PRIM2: variants seen among roughly 807,000 people sequenced by gnomAD.
PRIM2 encodes the protein DNA primase subunit 2.
Under a neutral mutation model 67.3 loss-of-function variants are expected in PRIM2, and 39 were observed. The observed-to-expected ratio is 0.58, with a 90% CI of 0.45 to 0.76. PRIM2 has a LOEUF of 0.76. PRIM2 is among the 30% of genes least tolerant of loss of function. The pLI is 0.00. For missense variants in PRIM2, 398 were observed against 598.7 expected (o/e 0.66, Z 3.50); for synonymous variants, 143 against 198.7 (o/e 0.72, Z 2.36).
intron 7 of PRIM2, among the ~76,000 whole-genome samples, chr6:57,497,139 C>T (rs1774021793): frequency 3.3e-5 from 5 of 152,088 alleles, no homozygotes; most frequent in Admixed American, 1.3e-4. Context: ...TAGAGTCAAA[C>T]GTAAATTTTG....
the PRIM2 span, among the ~76,000 whole-genome samples, chr6:57,274,544 G>A: frequency 6.6e-6 from 1 of 152,220 alleles, no homozygotes; most frequent in Non-Finnish European, 1.5e-5. Context: ...TCTTTGACTA[G>A]GAAAGGGAAT....
chr6:57,440,630 C>G (rs912572759), intron 7 of PRIM2, among the ~76,000 whole-genome samples: 11 of 152,214 alleles, frequency 7.2e-5, no homozygotes, highest in Non-Finnish European at 1.3e-4. Context: ...GTTTCAAGCT[C>G]TGCAGTATTC....
rs1168870188 is a variant in PRIM2, at chr6:57,362,420, G to T, written c.460-17481G>T. 3.3e-5 allele frequency among the ~76,000 whole-genome samples: 5 copies of T among 152,202 alleles called. No homozygotes were observed. The East Asian group carries it at 9.7e-4, about 29-fold the overall frequency. On this transcript the variant is annotated intron_variant, in intron 5 of 13. Transcript: ENST00000615550. ...AAACGTGGCTGCATCAGTGGTTCAT[G>T]TTGACTCAAAGCAAGTTTCTCCCTT...
Position 57,318,327 on chromosome 6 carries a change from C to CA in PRIM2, c.-9-107dup, listed in dbSNP as rs1420402312. 3 of 1,157,830 alleles carry CA rather than the reference C, an allele frequency of 2.6e-6. No homozygotes were observed. In the African/African-American group the frequency reaches 4.7e-5, roughly 18 times the overall value. 71.7% of individuals were successfully genotyped at this position (1,157,830 alleles called of 1,614,324 possible). On this transcript the variant is annotated intron_variant, in intron 1 of 13. Transcript: ENST00000615550. ...ACTGCTAACATTTTGTGCATGCCCT[C>CA]AAATCCATTTTTTTTCTGTGTTTGT...
chr6:57,264,614 T>C, the PRIM2 span, among the ~76,000 whole-genome samples: 1 of 145,660 alleles, frequency 6.9e-6, no homozygotes, highest in African/African-American at 2.7e-5. Context: ...TTTTTTTTTT[T>C]TGCGATGGAG....
intron 5 of PRIM2, among the ~76,000 whole-genome samples, chr6:57,360,646 T>C (rs1769164996): frequency 6.6e-6 from 1 of 152,328 alleles, no homozygotes; most frequent in South Asian, 2.1e-4. Flanking sequence ...TTGTGTTTGC[T>C]GCACAGCTTT....
At chr6:57,391,088 A>G (rs1770329092) in intron 7 of PRIM2, among the ~76,000 whole-genome samples, 2 of 145,698 alleles carry the variant, frequency 1.4e-5, no homozygotes, top group Non-Finnish European at 3.0e-5. Flanking sequence ...TCTGACTGGT[A>G]TGAGATGGTA....
At chr6:57,594,915 A>G (rs1398302427) in intron 10 of PRIM2, among the ~76,000 whole-genome samples, 3 of 152,258 alleles carry the variant, frequency 2.0e-5, no homozygotes, top group African/African-American at 7.2e-5. Context: ...TTATTCAATT[A>G]TGGAATAATT....
At chr6:57,267,458 T>G in the PRIM2 span, among the ~76,000 whole-genome samples, 1 of 152,092 alleles carries the variant, frequency 6.6e-6, no homozygotes, top group Non-Finnish European at 1.5e-5. Flanking sequence ...TTTGAGAGGC[T>G]GCATAAAACC....
intron 5 of PRIM2, among the ~76,000 whole-genome samples, chr6:57,366,370 A>G (rs1769358247): frequency 6.6e-6 from 1 of 152,210 alleles, no homozygotes; most frequent in Non-Finnish European, 1.5e-5. Flanking sequence ...GGCCTGGGAT[A>G]AAAAGGAACT....
At chr6:57,278,006 C>CAACAA in the PRIM2 span, among the ~76,000 whole-genome samples, 2 of 150,760 alleles carry the variant, frequency 1.3e-5, no homozygotes, top group African/African-American at 2.4e-5. Flanking sequence ...AAACAAACAA[C>CAACAA]AACAAAACAA....
chr6:57,646,293 C>T lies in PRIM2; in HGVS notation c.*135C>T, dbSNP rs1777333669. On this transcript the variant is annotated 3_prime_UTR_variant, in exon 14 of 14. Coordinates refer to ENST00000615550, the MANE Select transcript of PRIM2 (RefSeq NM_000947.5). ...AATTACAGCTGATTGCAGCCTTGAC[C>T]TTCCCAGCTCAAGTGATCCTCCTAC... The T allele has an allele frequency of 7.9e-6, 5 of 634,580 alleles. No homozygotes were observed. The highest frequency in any genetic ancestry group is 3.9e-5 in the South Asian group (2 of 51,554). The allele number at this position is 634,580 out of a possible 1,614,324, so 39.3% of individuals were successfully genotyped here. A position where few individuals can be genotyped will look rare whatever the true frequency, so the allele number is the denominator to read the frequency against.
chr6:57,254,350 CT>C, the PRIM2 span, among the ~76,000 whole-genome samples: 1 of 152,194 alleles, frequency 6.6e-6, no homozygotes, highest in Non-Finnish European at 1.5e-5. Flanking sequence ...GTTTCCTTTG[CT>C]ACTCCAACTT....
At chr6:57,251,809 C>T in the PRIM2 span, among the ~76,000 whole-genome samples, 2 of 152,176 alleles carry the variant, frequency 1.3e-5, no homozygotes, top group Admixed American at 6.5e-5. Flanking sequence ...ATGCATATTT[C>T]CGCTTTCTTA....
chr6:57,547,029 C>T (rs1375107507), intron 10 of PRIM2, among the ~76,000 whole-genome samples: 1 of 152,088 alleles, frequency 6.6e-6, no homozygotes, highest in Non-Finnish European at 1.5e-5. Flanking sequence ...GAATGATTCA[C>T]AAGAAGTATT....
intron 8 of PRIM2, among the ~76,000 whole-genome samples, chr6:57,520,647 T>C (rs1774592509): frequency 6.6e-6 from 1 of 152,222 alleles, no homozygotes; most frequent in Non-Finnish European, 1.5e-5. Flanking sequence ...TTAAAATCAA[T>C]TTTATTGAGG....
intron 10 of PRIM2, among the ~76,000 whole-genome samples, chr6:57,573,850 C>T (rs1163515965): frequency 1.3e-5 from 2 of 152,172 alleles, no homozygotes. Flanking sequence ...GTGCTAGAGA[C>T]AAGTTGTAAC....
At chr6:57,450,010 C>T (rs2127389618) in intron 7 of PRIM2, among the ~76,000 whole-genome samples, 1 of 152,092 alleles carries the variant, frequency 6.6e-6, no homozygotes, top group Non-Finnish European at 1.5e-5. Context: ...TTTACTTTTG[C>T]CTGTCACATT....
chr6:57,622,398 A>T (rs1776875628), intron 12 of PRIM2, among the ~76,000 whole-genome samples: 1 of 152,124 alleles, frequency 6.6e-6, no homozygotes, highest in African/African-American at 2.4e-5. Flanking sequence ...TATTCGAGTG[A>T]TTAGGTTCTG....
Sources: gnomAD v4.1 joint callset for allele counts (sites outside exome capture counted in the v4.1 genomes callset) on GRCh38, gnomAD v4.1.1 for gene constraint, MANE v1.5 for transcripts, NCBI Gene and HGNC (gene_info 2026-07-23, HGNC 2026-07-21) for gene names.